Variants in COX20 observed in about 807,000 individuals in gnomAD.
COX20 encodes cytochrome c oxidase assembly protein COX20, mitochondrial.
COX20 carries 14 observed loss-of-function variants against 14.3 expected under a neutral mutation model. The ratio of observed to expected loss-of-function variants is 0.98; its 90% CI spans 0.65 to 1.53. The LOEUF (loss-of-function observed/expected upper bound fraction) is 1.53, where lower values mean the gene tolerates loss of function less well. Among genes scored for constraint, COX20 ranks in the 40% most tolerant of loss-of-function variants. The probability of loss-of-function intolerance (pLI) is 0.00; values close to 1 mark genes in which losing one functional copy is unlikely to be tolerated. For missense variants in COX20, 149 were observed against 142.1 expected (o/e 1.05, Z -0.25); for synonymous variants, 56 against 51.7 (o/e 1.08, Z -0.36).
At position 244,844,374 on chromosome 1, in the gene COX20, A is replaced by G. The variant is rs1303904663; in HGVS notation, c.*1198A>G. ...ACATGTTGAGGGAAAATTTTTACTG[A>G]TTCACAAAAAGGAAGACAGTTTGCC... On this transcript the variant is annotated 3_prime_UTR_variant, in exon 4 of 4. Transcript: ENST00000411948. 6.6e-6 allele frequency: 1 copy of G among 152,196 alleles called. No individual in the cohort carries two copies. The highest frequency in any genetic ancestry group is 1.5e-5 in the Non-Finnish European group (1 of 68,026). 9.4% of individuals were successfully genotyped at this position (152,196 alleles called of 1,614,324 possible). A position where few individuals can be genotyped will look rare whatever the true frequency, so the allele number is the denominator to read the frequency against.
chr1:244,842,239 T>C lies in COX20; in HGVS notation c.202T>C (p.Leu68=), dbSNP rs1421707612. ...TGATGTTGGAGTAGGAGGGTTTATC[T>C]TGGTGACTTTGGGATGCTGGTATGT... is the stretch of plus-strand genomic sequence containing the variant. ...SCDVGVGGFI[L]VTLGCWFHCR... Residue 68 remains leucine, a synonymous_variant, in exon 3 of 4, where the codon TTG becomes CTG. Transcript: ENST00000411948. 1.2e-6 allele frequency: 2 copies of C among 1,608,062 alleles called. No individual in the cohort carries two copies. The highest frequency in any genetic ancestry group is 2.2e-5 in the East Asian group (1 of 44,820).
chr1:244,837,223 ACAGT>A (rs1208582542), intron 1 of COX20, among the ~76,000 whole-genome samples: 1 of 152,110 alleles, frequency 6.6e-6, no homozygotes, highest in African/African-American at 2.4e-5. Flanking sequence ...CAAACCGAGC[ACAGT>A]CAGAGGTGGG....
intron 1 of COX20, among the ~76,000 whole-genome samples, chr1:244,837,291 C>CA (rs1680023594): frequency 6.6e-6 from 1 of 152,100 alleles, no homozygotes; most frequent in East Asian, 1.9e-4. Context: ...CAGAGCCCAT[C>CA]AAAAAGCTAA....
upstream of COX20, chr1:244,835,632 G>A (rs927975120): frequency 2.6e-5 from 29 of 1,105,246 alleles, no homozygotes; most frequent in Non-Finnish European, 3.3e-5. Flanking sequence ...CGTGGGGGCG[G>A]GACGGGGAGG....
chr1:244,839,880 T>C (rs1680125048), intron 1 of COX20: 1 of 152,236 alleles, frequency 6.6e-6, no homozygotes, highest in African/African-American at 2.4e-5. Flanking sequence ...CACTTATTAT[T>C]AGCCTCTTAA....
rs147700538 is a variant in COX20, at chr1:244,842,234, T to G, written c.197T>G (p.Phe66Cys). The change falls in exon 3 of 4, where the codon TTT (phenylalanine) becomes TGT (cysteine). Residue 66 changes from phenylalanine (F) to cysteine (C), a missense_variant. By Grantham distance (205) the Phe-to-Cys change is radical. Transcript: ENST00000411948. ...RRSCDVGVGGFILVTLGCWFH... is the reference protein window; with the variant it reads ...RRSCDVGVGGCILVTLGCWFH... ...TCATGTGATGTTGGAGTAGGAGGGT[T>G]TATCTTGGTGACTTTGGGATGCTGG... 1.2e-5 allele frequency: 20 copies of G among 1,609,338 alleles called. No individual in the cohort carries two copies. The African/African-American group carries it at 2.4e-4, about 19-fold the overall frequency.
rs373824502 is a variant in COX20 at position 244,841,992 on chromosome 1, C to A, written c.91C>A (p.Arg31=). Residue 31 remains arginine, a synonymous_variant, in exon 2 of 4, where the codon CGG becomes AGG. Coordinates refer to ENST00000411948, the MANE Select transcript of COX20 (RefSeq NM_198076.6). ...FLDVENTPCA[R]HSILYGSLGS... is the part of the protein sequence containing the mutation. ...AGATGTTGAAAATACTCCCTGCGCC[C>A]GGCATTCAATATTGTATGGTTCATT... 11 of 1,611,762 alleles carry A rather than the reference C, an allele frequency of 6.8e-6. No homozygotes were observed. In the East Asian group the frequency reaches 2.5e-4, roughly 36 times the overall value.
rs114227492 is a variant in COX20 at position 244,844,155 on chromosome 1, G to A, written c.*979G>A. On this transcript the variant is annotated 3_prime_UTR_variant, in exon 4 of 4. Coordinates refer to ENST00000411948, the MANE Select transcript of COX20 (RefSeq NM_198076.6). ...ATGTACCATGGAAGGCACAGAAATC[G>A]AGCAAGGAAGAAAATATTAGTTATT... The A allele has an allele frequency of 7.0e-4, 107 of 152,304 alleles. No individual in the cohort carries two copies. The highest frequency in any genetic ancestry group is 2.4e-3 in the African/African-American group (101 of 41,558). 9.4% of individuals were successfully genotyped at this position (152,304 alleles called of 1,614,324 possible).
upstream of COX20, chr1:244,835,564 T>A (rs1207040465): frequency 4.1e-6 from 2 of 483,858 alleles, no homozygotes; most frequent in Non-Finnish European, 6.5e-6. Context: ...TGCGGAGCGT[T>A]AGGAACATTC....
intron 2 of COX20, 64 bp downstream of exon 2, chr1:244,842,122 A>T: frequency 1.4e-6 from 2 of 1,464,046 alleles, no homozygotes; most frequent in African/African-American, 1.4e-5. Context: ...ATAATGAACT[A>T]TTTTTTTTTC....
chr1:244,835,382 G>A (rs1470931463), upstream of COX20: 1 of 285,544 alleles, frequency 3.5e-6, no homozygotes, highest in African/African-American at 2.2e-5. Context: ...CGGGAAGCGG[G>A]GCTGTCTGGC....
At chr1:244,842,297 G>C in intron 3 of COX20, 39 bp downstream of exon 3, 1 of 1,371,158 alleles carries the variant, frequency 7.3e-7, no homozygotes, top group Non-Finnish European at 1.0e-6. Flanking sequence ...CATGATTATA[G>C]TAGGTTATCT....
At chr1:244,842,295 T>C (rs1441785603) in intron 3 of COX20, 37 bp downstream of exon 3, 6 of 1,386,984 alleles carry the variant, frequency 4.3e-6, no homozygotes, top group South Asian at 3.5e-5. Flanking sequence ...TCCATGATTA[T>C]AGTAGGTTAT....
chr1:244,837,198 G>A (rs1224918853), intron 1 of COX20, among the ~76,000 whole-genome samples: 2 of 151,922 alleles, frequency 1.3e-5, no homozygotes. Context: ...TTGAAATGAA[G>A]ATAGTTATAA....
chr1:244,839,472 T>C (rs1310554666), intron 1 of COX20, among the ~76,000 whole-genome samples: 1 of 151,472 alleles, frequency 6.6e-6, no homozygotes, highest in Admixed American at 6.5e-5. Context: ...CGTTTGTTAG[T>C]GGCAAAGAGT....
Position 244,844,906 on chromosome 1 carries a change from CTTAGTTA to C in COX20, c.*1733_*1739del, listed in dbSNP as rs1680367790. 1 of 152,320 alleles carries C rather than the reference CTTAGTTA, an allele frequency of 6.6e-6. No individual in the cohort carries two copies. The highest frequency in any genetic ancestry group is 2.1e-4 in the South Asian group (1 of 4,830). The allele number at this position is 152,320 out of a possible 1,614,324, so 9.4% of individuals were successfully genotyped here. On this transcript the variant is annotated 3_prime_UTR_variant, in exon 4 of 4. Transcript: ENST00000411948. ...ACAGGCCACTTATGCTCAGTTTTAC[CTTAGTTA>C]TTCCTTGGTATCCACAGGCCCAAGT...
At chr1:244,838,821 C>T (rs564589284) in intron 1 of COX20, among the ~76,000 whole-genome samples, 1 of 151,990 alleles carries the variant, frequency 6.6e-6, no homozygotes, top group South Asian at 2.1e-4. Context: ...ATGGAGTCTT[C>T]TTGCTCTGTT....
chr1:244,836,369 T>C, intron 1 of COX20: 1 of 800,650 alleles, frequency 1.2e-6, no homozygotes, highest in Non-Finnish European at 2.1e-6. Flanking sequence ...GCCCATCCTA[T>C]CTCTTTAAGG....
intron 1 of COX20, among the ~76,000 whole-genome samples, chr1:244,837,421 AT>A (rs1236047724): frequency 6.6e-6 from 1 of 152,184 alleles, no homozygotes; most frequent in Non-Finnish European, 1.5e-5. Context: ...AGGGAGGATT[AT>A]TTTATTATAA....
Sources: allele counts gnomAD v4.1 joint callset (sites outside exome capture counted in the v4.1 genomes callset), GRCh38; gene constraint gnomAD v4.1.1; transcripts MANE v1.5; gene names NCBI Gene and HGNC (gene_info 2026-07-23, HGNC 2026-07-21).